IL1RL1: variants seen among roughly 807,000 people sequenced by gnomAD.
IL1RL1 encodes the protein interleukin-1 receptor-like 1.
Under a neutral mutation model 50.9 loss-of-function variants are expected in IL1RL1, and 32 were observed. The observed-to-expected ratio is 0.63, with a 90% CI of 0.47 to 0.84. The LOEUF (loss-of-function observed/expected upper bound fraction) is 0.84. Ranked by LOEUF, IL1RL1 falls within the 40% of genes least tolerant of loss-of-function variation. IL1RL1 has a pLI of 0.00. For synonymous variants in IL1RL1, 275 were observed against 236.0 expected, an observed-to-expected ratio of 1.17 and a Z score of -1.51; for missense variants, 773 against 662.9, an observed-to-expected ratio of 1.17 and a Z score of -1.82.
At chr2:102,315,585 G>C (rs962232876) in intron 1 of IL1RL1, among the ~76,000 whole-genome samples, 2 of 152,048 alleles carry the variant, frequency 1.3e-5, no homozygotes, top group African/African-American at 4.8e-5. Context: ...TTCTCTTCTT[G>C]AGCAAAACCT....
intron 1 of IL1RL1, among the ~76,000 whole-genome samples, chr2:102,325,076 A>T (rs1676955696): frequency 6.6e-6 from 1 of 152,212 alleles, no homozygotes; most frequent in Non-Finnish European, 1.5e-5. Flanking sequence ...CTGACCCCCG[A>T]GTAGCCTAAC....
rs1677943212 is a variant in IL1RL1, at chr2:102,351,761, T to C, written c.1511T>C (p.Met504Thr). The C allele has an allele frequency of 1.2e-6, 2 of 1,614,004 alleles. No individual in the cohort carries two copies. Among genetic ancestry groups the C allele is most frequent in the Non-Finnish European group, 1.7e-6 (2 of 1,180,018 alleles). Residue 504 changes from methionine (M) to threonine (T), a missense_variant, in exon 11 of 11, where the codon ATG (methionine) becomes ACG (threonine). By Grantham distance (81) the Met-to-Thr change is moderately conservative. Coordinates refer to ENST00000233954, the MANE Select transcript of IL1RL1 (RefSeq NM_016232.5). Reference protein sequence around the residue: ...EALQDSLQHLMKVQGTIKWRE... With the variant: ...EALQDSLQHLTKVQGTIKWRE... ...CTTCAGGACTCCCTCCAGCATCTTATGAAAGTACAGGGGACCATCAAGTGG... is the reference window on the plus strand; with the variant it reads ...CTTCAGGACTCCCTCCAGCATCTTACGAAAGTACAGGGGACCATCAAGTGG...
At chr2:102,321,518 G>C (rs941288689) in intron 1 of IL1RL1, among the ~76,000 whole-genome samples, 1 of 152,168 alleles carries the variant, frequency 6.6e-6, no homozygotes, top group Non-Finnish European at 1.5e-5. Context: ...GGCCATGTTA[G>C]ATGTTAGAAC....
intron 1 of IL1RL1, among the ~76,000 whole-genome samples, chr2:102,327,867 C>T (rs1414171095): frequency 6.6e-6 from 1 of 152,132 alleles, no homozygotes; most frequent in Non-Finnish European, 1.5e-5. Flanking sequence ...TAATTAATAG[C>T]TTACCAACCA....
intron 4 of IL1RL1, 93 bp from the exon 5 acceptor site, chr2:102,340,573 A>T: frequency 7.7e-7 from 1 of 1,301,156 alleles, no homozygotes; most frequent in Non-Finnish European, 1.1e-6. Context: ...AGATTGCACC[A>T]CTCACTCCAG....
chr2:102,315,643 A>C (rs955619998), intron 1 of IL1RL1, among the ~76,000 whole-genome samples: 2 of 151,826 alleles, frequency 1.3e-5, no homozygotes, highest in Non-Finnish European at 2.9e-5. Flanking sequence ...TTTTCATTTC[A>C]CCTTTTTTTC....
chr2:102,326,460 A>C (rs58933240), intron 1 of IL1RL1, among the ~76,000 whole-genome samples: 78,747 of 150,450 alleles, frequency 0.52, 20,819 homozygotes, highest in Middle Eastern at 0.65. Flanking sequence ...AGCAAAATAA[A>C]TAGCAAACAT....
At chr2:102,315,947 C>A (rs551673722) in intron 1 of IL1RL1, among the ~76,000 whole-genome samples, 33 of 152,272 alleles carry the variant, frequency 2.2e-4, no homozygotes, top group African/African-American at 7.9e-4. Context: ...CTAATGTAAA[C>A]ATGGATCCTT....
intron 1 of IL1RL1, among the ~76,000 whole-genome samples, chr2:102,319,259 AATCACAAATAT>A (rs1215833649): frequency 6.6e-6 from 1 of 152,148 alleles, no homozygotes; most frequent in African/African-American, 2.4e-5. Context: ...AATGCTATAT[AATCACAAATAT>A]ATCTCCCTCC....
intron 8 of IL1RL1, chr2:102,345,681 G>T (rs182922520): frequency 1.0e-6 from 1 of 985,408 alleles, no homozygotes; most frequent in East Asian, 1.1e-4. Context: ...TTTAACCCCT[G>T]ATTTGTAAGT....
At chr2:102,323,672 A>T (rs1676904306) in intron 1 of IL1RL1, among the ~76,000 whole-genome samples, 1 of 152,052 alleles carries the variant, frequency 6.6e-6, no homozygotes. Context: ...AAGGGAGGGG[A>T]TTGAAGGAGG....
chr2:102,322,600 A>T (rs1193861220), intron 1 of IL1RL1, among the ~76,000 whole-genome samples: 1 of 152,182 alleles, frequency 6.6e-6, no homozygotes, highest in African/African-American at 2.4e-5. Flanking sequence ...TTCTCTTCTT[A>T]TTACATAATG....
At chr2:102,326,734 A>G (rs972871083) in intron 1 of IL1RL1, among the ~76,000 whole-genome samples, 2 of 152,198 alleles carry the variant, frequency 1.3e-5, no homozygotes, top group Non-Finnish European at 2.9e-5. Flanking sequence ...CTTTAAACCA[A>G]CAAAGATCAA....
In IL1RL1 at chr2:102,351,708, C is replaced by T. The variant is rs545075452; in HGVS notation, c.1458C>T (p.Ser486=). 2.3e-5 allele frequency: 37 copies of T among 1,614,078 alleles called. No homozygotes were observed. Among genetic ancestry groups the T allele is most frequent in the East Asian group, 6.7e-5 (3 of 44,874 alleles). The change falls in exon 11 of 11, where the codon AGC becomes AGT. Residue 486 remains serine, a synonymous_variant. Coordinates refer to ENST00000233954, the MANE Select transcript of IL1RL1 (RefSeq NM_016232.5). Reference sequence around the variant, plus strand: ...TACTTATTGAGATGGAGGCTCTGAGCGAGCTGGACATGCTGCAGGCTGAGG... The same window carrying T: ...TACTTATTGAGATGGAGGCTCTGAGTGAGCTGGACATGCTGCAGGCTGAGG... ...KVILIEMEAL[S]ELDMLQAEAL...
At chr2:102,341,168 C>CTTTTT in intron 5 of IL1RL1, 3 of 939,762 alleles carry the variant, frequency 3.2e-6, no homozygotes, top group South Asian at 3.3e-5. Context: ...GCAAAACCAG[C>CTTTTT]TTTTTTTTTT....
intron 8 of IL1RL1, among the ~76,000 whole-genome samples, chr2:102,347,203 T>C (rs1317627952): frequency 2.0e-5 from 3 of 152,204 alleles, no homozygotes; most frequent in Non-Finnish European, 4.4e-5. Context: ...GACAGCACCT[T>C]GTCCGTTCCT....
chr2:102,316,886 A>G (rs907628809), intron 1 of IL1RL1, among the ~76,000 whole-genome samples: 3 of 152,224 alleles, frequency 2.0e-5, no homozygotes, highest in Non-Finnish European at 4.4e-5. Context: ...AACTTCCTGT[A>G]CAATGATGGA....
chr2:102,314,889 A>G lies in IL1RL1; in HGVS notation c.-150+3266A>G, dbSNP rs567152097. On this transcript the variant is annotated intron_variant, in intron 1 of 10. Transcript: ENST00000233954. Reference sequence around the variant, plus strand: ...GCTATATGCAGTACTGATAATGCCAAGGTTGTAGTGAGCTAACTTGCAGGT... The same window carrying G: ...GCTATATGCAGTACTGATAATGCCAGGGTTGTAGTGAGCTAACTTGCAGGT... Among the ~76,000 whole-genome samples the G allele has an allele frequency of 9.2e-5, 14 of 152,200 alleles. No individual in the cohort carries two copies. The East Asian group carries it at 1.9e-3, about 21-fold the overall frequency.
At chr2:102,311,839 A>ATAATACAATATATAATATATATTATAT in intron 1 of IL1RL1, among the ~76,000 whole-genome samples, 1 of 78,414 alleles carries the variant, frequency 1.3e-5, no homozygotes, top group African/African-American at 6.1e-5. Context: ...TATATTATAT[A>ATAATACAATATATAATATATATTATAT]ATTGTAATAT....
Sources: allele counts gnomAD v4.1 joint callset (sites outside exome capture counted in the v4.1 genomes callset), GRCh38; gene constraint gnomAD v4.1.1; transcripts MANE v1.5; gene names NCBI Gene and HGNC (gene_info 2026-07-23, HGNC 2026-07-21).